Variants in TAOK2 observed in about 807,000 individuals in gnomAD.
TAOK2 encodes the protein TAO kinase 2.
In TAOK2, 42 loss-of-function variants were observed where a neutral mutation model predicts 122.5. That is an observed-to-expected ratio of 0.34 (90% CI 0.27 to 0.44). TAOK2 has a LOEUF of 0.44. TAOK2 is among the 20% of genes least tolerant of loss of function. TAOK2 has a pLI of 1.00. For missense variants in TAOK2, 1,264 were observed against 1,644.9 expected, an observed-to-expected ratio of 0.77 and a Z score of 4.01; for synonymous variants, 704 against 677.6, an observed-to-expected ratio of 1.04 and a Z score of -0.61.
rs62057682 is a variant in TAOK2, at chr16:29,985,078, C to T, written c.1423-135C>T. 0.019 allele frequency: 21,844 copies of T among 1,149,828 alleles called. 249 individuals are homozygous for T. The highest frequency in any genetic ancestry group is 0.022 in the Non-Finnish European group (18,983 of 866,804). The allele number at this position is 1,149,828 out of a possible 1,614,324, so 71.2% of individuals were successfully genotyped here. The stretch of plus-strand genomic sequence containing the variant: ...AGTTGAGGAAACAGGCTAGAGTGGC[C>T]GTGTGTGAGGAAGGTGTTAAATGAG... On this transcript the variant is annotated intron_variant, in intron 13 of 15. Coordinates refer to ENST00000308893, the MANE Select transcript of TAOK2 (RefSeq NM_016151.4). This position sits in a 1 kb window ranked among gnomAD's most constrained non-coding sequence, Gnocchi z 6.9.
downstream of TAOK2, chr16:29,989,640 C>T (rs1158119106): frequency 2.7e-5 from 44 of 1,613,966 alleles, no homozygotes; most frequent in Non-Finnish European, 3.6e-5. Context: ...CGTGTAAGAT[C>T]CAGACTCGGC....
chr16:29,991,590 T>A, downstream of TAOK2: 1 of 1,453,028 alleles, frequency 6.9e-7, no homozygotes, highest in Non-Finnish European at 9.1e-7. The surrounding 1 kb of genome is among the most constrained non-coding windows in gnomAD (Gnocchi z 5.6). Flanking sequence ...GAGGAGCAGA[T>A]GAGCTGGGCA....
chr16:29,986,535 C>T lies in TAOK2; in HGVS notation c.2263C>T (p.Pro755Ser). ...TGCAGGCCAGCGCCCCCCGGGCCTT[C>T]CACTCCCCATTCCTGGGGCTCTGGG... ...VRAGQRPPGL[P>S]LPIPGALGPP... is the part of the protein sequence containing the mutation. The change falls in exon 16 of 16, where the codon CCA becomes TCA. Residue 755 changes from proline to serine, a missense_variant. This residue lies in a region of TAOK2 where 824 missense variants were observed against 908.7 expected (regional missense o/e 0.91). Coordinates refer to ENST00000308893, the MANE Select transcript of TAOK2 (RefSeq NM_016151.4). This position sits in a 1 kb window ranked among gnomAD's most constrained non-coding sequence, Gnocchi z 4.2. 4 of 1,613,400 alleles carry T rather than the reference C, an allele frequency of 2.5e-6. No homozygotes were observed. Among genetic ancestry groups the T allele is most frequent in the Non-Finnish European group, 3.4e-6 (4 of 1,179,692 alleles).
At position 29,986,300 on chromosome 16, in the gene TAOK2, G is replaced by A. The variant is rs770588967; in HGVS notation, c.2028G>A (p.Glu676=). ...LNKKQTQKDL[E]CALLLRQHEA... is the part of the protein sequence containing the mutation. ...AGAAGCAGACCCAGAAGGACTTGGA[G>A]TGTGCACTGCTGCTTCGGCAGCACG... The change falls in exon 16 of 16, where the codon GAG becomes GAA. Residue 676 remains glutamate (E), a synonymous_variant. Transcript: ENST00000308893. The surrounding 1 kb of genome is among the most constrained non-coding windows in gnomAD (Gnocchi z 4.2). The A allele has an allele frequency of 3.9e-6, 6 of 1,544,096 alleles. No individual in the cohort carries two copies. Among genetic ancestry groups the A allele is most frequent in the Admixed American group, 2.0e-5 (1 of 48,972 alleles).
At position 29,985,532 on chromosome 16, in the gene TAOK2, A is replaced by C; in HGVS notation, c.1742A>C (p.Glu581Ala). 6.2e-7 allele frequency: 1 copy of C among 1,608,010 alleles called. No individual in the cohort carries two copies. ...QQKKELAALL[E>A]AQKRTYKLRK... ...AAGAAGGAGCTGGCTGCCCTGCTGG[A>C]GGCACAGAAGCGGACCTACAAACTT... is the stretch of plus-strand genomic sequence containing the variant. Residue 581 changes from glutamate to alanine, a missense_variant, in exon 14 of 16, where the codon GAG becomes GCG. Glu to Ala is a moderately radical substitution (Grantham distance 107). Around this residue, in one of 4 missense-constraint regions of TAOK2, gnomAD observed 824 missense variants for 908.7 expected, o/e 0.91. Transcript: ENST00000308893. This position sits in a 1 kb window ranked among gnomAD's most constrained non-coding sequence, Gnocchi z 6.9.
In TAOK2 at chr16:29,981,688, T is replaced by C; in HGVS notation, c.683T>C (p.Met228Thr). Residue 228 changes from methionine to threonine, a missense_variant, in exon 9 of 16, where the codon ATG becomes ACG. Transcript: ENST00000308893. ...GAACGGAAACCACCGCTCTTTAACATGAATGCGATGAGTGCCTTATACCAC... is the reference window on the plus strand; with the variant it reads ...GAACGGAAACCACCGCTCTTTAACACGAATGCGATGAGTGCCTTATACCAC... ...LAERKPPLFN[M>T]NAMSALYHIA... is the part of the protein sequence containing the mutation. The C allele has an allele frequency of 2.5e-6, 4 of 1,614,182 alleles. No individual in the cohort carries two copies. The highest frequency in any genetic ancestry group is 3.4e-6 in the Non-Finnish European group (4 of 1,180,036).
rs146836314 is a variant in TAOK2 at position 29,981,601 on chromosome 16, T to C, written c.656-60T>C. ...TTGAACCCAAGTCGTCTCAGTTCCA[T>C]TCCATTGTCCTCTACCCCCTGCCAC... On this transcript the variant is annotated intron_variant, in intron 8 of 15. Coordinates refer to ENST00000308893, the MANE Select transcript of TAOK2 (RefSeq NM_016151.4). 262 of 1,531,480 alleles carry C rather than the reference T, an allele frequency of 1.7e-4. 1 individual carries two copies. The African/African-American group carries it at 3.4e-3, about 20-fold the overall frequency. 94.9% of individuals were successfully genotyped at this position (1,531,480 alleles called of 1,614,324 possible).
chr16:29,985,005 A>G lies in TAOK2; in HGVS notation c.1423-208A>G. ...CCAGGCCCTGTGCTCGCCACCTTTT[A>G]TCATTCGGCCACACCAACTTGTGAT... On this transcript the variant is annotated intron_variant, in intron 13 of 15. Transcript: ENST00000308893. This position sits in a 1 kb window ranked among gnomAD's most constrained non-coding sequence, Gnocchi z 6.9. 1 of 543,288 alleles carries G rather than the reference A, an allele frequency of 1.8e-6. No homozygotes were observed. Among genetic ancestry groups the G allele is most frequent in the South Asian group, 7.2e-5 (1 of 13,912 alleles). The allele number at this position is 543,288 out of a possible 1,614,324, so 33.7% of individuals were successfully genotyped here.
Position 29,979,919 on chromosome 16 carries a change from G to A in TAOK2, c.655+411G>A, listed in dbSNP as rs1205531236. Among the ~76,000 whole-genome samples the A allele has an allele frequency of 6.6e-6, 1 of 152,198 alleles. No homozygotes were observed. The highest frequency in any genetic ancestry group is 1.5e-5 in the Non-Finnish European group (1 of 68,040). ...AGGAGCGGTTCAAATGTAAAACAGGGGACTTGACCTAGTTTAGGGGCTGAA... is the reference window on the plus strand; with the variant it reads ...AGGAGCGGTTCAAATGTAAAACAGGAGACTTGACCTAGTTTAGGGGCTGAA... On this transcript the variant is annotated intron_variant, in intron 8 of 15. Coordinates refer to ENST00000308893, the MANE Select transcript of TAOK2 (RefSeq NM_016151.4). The surrounding 1 kb of genome is among the most constrained non-coding windows in gnomAD (Gnocchi z 4.1).
intron 2 of TAOK2, 61 bp downstream of exon 2, chr16:29,977,965 C>T: frequency 1.9e-6 from 3 of 1,612,858 alleles, no homozygotes; most frequent in Non-Finnish European, 2.5e-6. Flanking sequence ...CTGTGGACTT[C>T]CCAACAGCCC....
In TAOK2 at chr16:29,987,757, C is replaced by T. The variant is rs1567251403; in HGVS notation, c.3485C>T (p.Ala1162Val). The T allele has an allele frequency of 6.2e-7, 1 of 1,614,028 alleles. No individual in the cohort carries two copies. Among genetic ancestry groups the T allele is most frequent in the Non-Finnish European group, 8.5e-7 (1 of 1,179,942 alleles). Residue 1162 changes from alanine to valine, a missense_variant, in exon 16 of 16, where the codon GCA (alanine) becomes GTA (valine). Ala to Val is a moderately conservative substitution (Grantham distance 64, BLOSUM62 0). Transcript: ENST00000308893. ...VLCKGWNWRL[A>V]RASQGLASHL... The stretch of plus-strand genomic sequence containing the variant: ...TGCAAGGGCTGGAACTGGCGTCTGG[C>T]ACGGGCCAGCCAGGGTTTAGCATCC...
At chr16:29,988,496 C>A (rs1209098229), downstream of TAOK2, 2 of 1,194,960 alleles carry the variant, frequency 1.7e-6, no homozygotes, top group African/African-American at 3.2e-5. Context: ...GACCTCTTCA[C>A]CCCATCTCCG....
rs755545620 is a variant in TAOK2, at chr16:29,974,364, C to T, written c.-320C>T. ...CGGGCGTTCAAATATCGGATTCAGT[C>T]TCCATCCCGTTCAGATATTCGGGGT... On this transcript the variant is annotated 5_prime_UTR_variant, in exon 1 of 16. Coordinates refer to ENST00000308893, the MANE Select transcript of TAOK2 (RefSeq NM_016151.4). 1.3e-5 allele frequency: 2 copies of T among 152,646 alleles called. No individual in the cohort carries two copies. The allele number at this position is 152,646 out of a possible 1,614,324, so 9.5% of individuals were successfully genotyped here.
intron 13 of TAOK2, among the ~76,000 whole-genome samples, chr16:29,984,224 G>A (rs2069711630): frequency 6.6e-6 from 1 of 152,204 alleles, no homozygotes; most frequent in African/African-American, 2.4e-5. Flanking sequence ...CCCCTGGGAG[G>A]GGAAGGGTAA....
intron 2 of TAOK2, 69 bp from the exon 3 acceptor site, chr16:29,978,020 T>G: frequency 6.2e-7 from 1 of 1,612,418 alleles, no homozygotes; most frequent in South Asian, 1.1e-5. Context: ...CTTCTCTTGC[T>G]GGGCCAGCAA....
In TAOK2 at chr16:29,987,714, G is replaced by A. The variant is rs781049167; in HGVS notation, c.3442G>A (p.Ala1148Thr). 1.4e-5 allele frequency: 23 copies of A among 1,613,978 alleles called. No individual in the cohort carries two copies. The Admixed American group carries it at 3.8e-4, about 27-fold the overall frequency. Residue 1148 changes from alanine (A) to threonine (T), a missense_variant, in exon 16 of 16, where the codon GCA becomes ACA. Ala to Thr is a moderately conservative substitution (Grantham distance 58, BLOSUM62 0). Transcript: ENST00000308893. ...CACCCAACACCCATTAGCTCTGTTG[G>A]CAAGGGTCTGGGTCCTGTGCAAGGG... ...RTTQHPLALLARVWVLCKGWN... is the reference protein window; with the variant it reads ...RTTQHPLALLTRVWVLCKGWN...
Position 29,986,849 on chromosome 16 carries a change from G to T in TAOK2, c.2577G>T (p.Arg859Ser). Reference sequence around the variant, plus strand: ...TGCCCTCCCTTGTACCCCAGGAGAGGAGCATTGTTGGCCAGGAGGAGGCTG... The same window carrying T: ...TGCCCTCCCTTGTACCCCAGGAGAGTAGCATTGTTGGCCAGGAGGAGGCTG... ...LRVPSLVPQE[R>S]SIVGQEEAGT... The change falls in exon 16 of 16, where the codon AGG (arginine) becomes AGT (serine). Residue 859 changes from arginine (R) to serine (S), a missense_variant. By Grantham distance (110) the Arg-to-Ser change is moderately radical. This residue lies in a region of TAOK2 where 824 missense variants were observed against 908.7 expected (regional missense o/e 0.91). Transcript: ENST00000308893. The surrounding 1 kb of genome is among the most constrained non-coding windows in gnomAD (Gnocchi z 4.2). 6.2e-7 allele frequency: 1 copy of T among 1,614,022 alleles called. No homozygotes were observed. The highest frequency in any genetic ancestry group is 8.5e-7 in the Non-Finnish European group (1 of 1,179,926).
At chr16:29,977,339 G>A (rs1275467757) in intron 1 of TAOK2, among the ~76,000 whole-genome samples, 1 of 152,164 alleles carries the variant, frequency 6.6e-6, no homozygotes. Context: ...ACAGAAAGGT[G>A]CCTGGAAACA....
chr16:29,991,854 A>C, downstream of TAOK2: 3 of 341,776 alleles, frequency 8.8e-6, no homozygotes, highest in Non-Finnish European at 1.6e-5. The surrounding 1 kb of genome is among the most constrained non-coding windows in gnomAD (Gnocchi z 5.6). Flanking sequence ...TCAAATATTC[A>C]TCTAGTCCCC....
Sources: allele counts gnomAD v4.1 joint callset (sites outside exome capture counted in the v4.1 genomes callset), GRCh38; gene constraint gnomAD v4.1.1; regional missense constraint gnomAD v4.1.1; non-coding constraint Gnocchi (gnomAD v3.1); transcripts MANE v1.5; gene names NCBI Gene and HGNC (gene_info 2026-07-23, HGNC 2026-07-21).